Variants in CPNE8 observed in about 807,000 individuals in gnomAD.
CPNE8 encodes the protein copine 8.
A neutral mutation model predicts 81.5 loss-of-function variants in CPNE8; 45 were observed. The ratio of observed to expected loss-of-function variants is 0.55; its 90% CI spans 0.44 to 0.71. CPNE8 has a LOEUF of 0.71. Ranked by LOEUF, CPNE8 falls within the 30% of genes least tolerant of loss-of-function variation. The probability of loss-of-function intolerance (pLI) is 0.00; values close to 1 mark genes in which losing one functional copy is unlikely to be tolerated. For missense variants in CPNE8, 594 were observed against 672.1 expected, an observed-to-expected ratio of 0.88 and a Z score of 1.28; for synonymous variants, 252 against 226.3, an observed-to-expected ratio of 1.11 and a Z score of -1.02.
intron 6 of CPNE8, among the ~76,000 whole-genome samples, chr12:38,795,267 T>C (rs1368242180): frequency 6.6e-6 from 1 of 152,232 alleles, no homozygotes; most frequent in Non-Finnish European, 1.5e-5. Flanking sequence ...TGTATACATA[T>C]ATATCCTATT....
chr12:38,902,775 T>C (rs1280052468), intron 1 of CPNE8, among the ~76,000 whole-genome samples: 1 of 152,226 alleles, frequency 6.6e-6, no homozygotes, highest in Non-Finnish European at 1.5e-5. Flanking sequence ...ACCTGAATCA[T>C]ATATAACACA....
intron 8 of CPNE8, among the ~76,000 whole-genome samples, chr12:38,764,743 A>G (rs1941650612): frequency 6.6e-6 from 1 of 152,148 alleles, no homozygotes; most frequent in Non-Finnish European, 1.5e-5. Flanking sequence ...AATAAAATAC[A>G]TTCTTAAAGA....
At chr12:38,661,285 AG>A (rs1349834304) in intron 19 of CPNE8, among the ~76,000 whole-genome samples, 1 of 152,230 alleles carries the variant, frequency 6.6e-6, no homozygotes, top group Non-Finnish European at 1.5e-5. Context: ...ACCATAAAAA[AG>A]GATGAGTTCA....
intron 9 of CPNE8, 138 bp from the exon 10 acceptor site, chr12:38,761,026 T>G (rs1034370598): frequency 3.0e-6 from 2 of 656,096 alleles, no homozygotes; most frequent in Non-Finnish European, 5.1e-6. Context: ...TTGAAGTTAA[T>G]TTTGCTAATT....
At chr12:38,863,834 C>A (rs1171735062) in intron 3 of CPNE8, among the ~76,000 whole-genome samples, 1 of 152,050 alleles carries the variant, frequency 6.6e-6, no homozygotes, top group Non-Finnish European at 1.5e-5. Flanking sequence ...GGGCGGATCA[C>A]AAGGTCGGAG....
At chr12:38,781,753 A>G (rs892158535) in intron 6 of CPNE8, among the ~76,000 whole-genome samples, 1 of 152,060 alleles carries the variant, frequency 6.6e-6, no homozygotes, top group African/African-American at 2.4e-5. Flanking sequence ...TCATATTAAT[A>G]TGTATTCCTG....
intron 6 of CPNE8, among the ~76,000 whole-genome samples, chr12:38,793,972 A>G (rs1942392989): frequency 6.6e-6 from 1 of 152,174 alleles, no homozygotes; most frequent in African/African-American, 2.4e-5. Context: ...ATAAGGAAAG[A>G]ATAGTTTCTT....
intron 14 of CPNE8, among the ~76,000 whole-genome samples, chr12:38,702,245 T>C (rs1386206035): frequency 1.3e-5 from 2 of 152,204 alleles, no homozygotes; most frequent in Non-Finnish European, 2.9e-5. Context: ...AAATGATTGT[T>C]CTGTTTGAAA....
At chr12:38,797,082 G>A (rs1209604159) in intron 6 of CPNE8, among the ~76,000 whole-genome samples, 2 of 152,136 alleles carry the variant, frequency 1.3e-5, no homozygotes, top group African/African-American at 2.4e-5. Context: ...GCTCAAGGAG[G>A]CCTGCCTGCC....
At chr12:38,689,647 A>G (rs1393556889) in intron 15 of CPNE8, among the ~76,000 whole-genome samples, 1 of 152,232 alleles carries the variant, frequency 6.6e-6, no homozygotes, top group East Asian at 1.9e-4. Flanking sequence ...TAAATATTAA[A>G]TTGCATACAT....
chr12:38,859,428 T>C (rs945564320), intron 3 of CPNE8, among the ~76,000 whole-genome samples: 2 of 151,932 alleles, frequency 1.3e-5, no homozygotes, highest in East Asian at 3.9e-4. Context: ...ATGAAATAAA[T>C]AAGAAAGACA....
chr12:38,744,625 T>G (rs1620594), intron 10 of CPNE8, among the ~76,000 whole-genome samples: 122,606 of 152,040 alleles, frequency 0.81, 52,408 homozygotes, highest in Middle Eastern at 0.97. Context: ...TGTGGAGAAA[T>G]GAAAACTCAT....
At chr12:38,823,112 C>G (rs1241045267) in intron 6 of CPNE8, among the ~76,000 whole-genome samples, 1 of 152,162 alleles carries the variant, frequency 6.6e-6, no homozygotes, top group Non-Finnish European at 1.5e-5. Context: ...CAGTCAAAGC[C>G]TAACTTTCAG....
intron 5 of CPNE8, among the ~76,000 whole-genome samples, chr12:38,831,673 G>A (rs1191459934): frequency 6.6e-6 from 1 of 152,128 alleles, no homozygotes; most frequent in African/African-American, 2.4e-5. Flanking sequence ...CTTTCATAAT[G>A]GCACTTCTTT....
rs546521710 is a variant in CPNE8 at position 38,899,403 on chromosome 12, A to T, written c.98+6034T>A. Among the ~76,000 whole-genome samples the T allele has an allele frequency of 6.6e-5, 10 of 152,248 alleles. No homozygotes were observed. The East Asian group carries it at 1.4e-3, about 21-fold the overall frequency. ...ACCTGAAAAAAAAGCTCACATCAGA[A>T]CCTGACTATGTTGGCACCCTGATCG... is the stretch of plus-strand genomic sequence containing the variant. On this transcript the variant is annotated intron_variant, in intron 1 of 19. Transcript: ENST00000331366.
At chr12:38,818,709 C>T (rs1299696905) in intron 6 of CPNE8, among the ~76,000 whole-genome samples, 2 of 152,202 alleles carry the variant, frequency 1.3e-5, no homozygotes, top group Non-Finnish European at 2.9e-5. Flanking sequence ...AATCCCCACA[C>T]TGTCTTCCAC....
chr12:38,795,990 G>T (rs764793452), intron 6 of CPNE8, among the ~76,000 whole-genome samples: 3 of 152,122 alleles, frequency 2.0e-5, no homozygotes, highest in African/African-American at 7.2e-5. Context: ...GGCCAGGAAC[G>T]GTGGTCACGC....
chr12:38,882,700 C>A (rs1344178101), intron 1 of CPNE8, among the ~76,000 whole-genome samples: 1 of 152,146 alleles, frequency 6.6e-6, no homozygotes, highest in Non-Finnish European at 1.5e-5. Context: ...CCATTACCTC[C>A]AGAAATTCCA....
Position 38,692,544 on chromosome 12 carries a change from T to A in CPNE8, c.1143+1113A>T, listed in dbSNP as rs76082945. ...AAAAAGTTTCAGATTTTGGAACATT[T>A]ACTTTTCTGATTTTGGAGGCTAAAC... On this transcript the variant is annotated intron_variant, in intron 15 of 19. Coordinates refer to ENST00000331366, the MANE Select transcript of CPNE8 (RefSeq NM_153634.3). Among the ~76,000 whole-genome samples the A allele has an allele frequency of 1.1e-3, 166 of 152,302 alleles. No homozygotes were observed. In the East Asian group the frequency reaches 0.026, roughly 23 times the overall value.
Sources: allele counts gnomAD v4.1 joint callset (sites outside exome capture counted in the v4.1 genomes callset), GRCh38; gene constraint gnomAD v4.1.1; transcripts MANE v1.5; gene names NCBI Gene and HGNC (gene_info 2026-07-23, HGNC 2026-07-21).